KCTD3: variants seen among roughly 807,000 people sequenced by gnomAD.
The protein encoded by KCTD3 is potassium channel tetramerization domain containing 3.
In KCTD3, 41 loss-of-function variants were observed where a neutral mutation model predicts 85.8. That is an observed-to-expected ratio of 0.48 (90% confidence interval 0.37 to 0.62). The LOEUF is 0.62. Among genes scored for constraint, KCTD3 ranks in the 20% least tolerant of loss-of-function variants. The pLI is 0.00. For missense variants in KCTD3, 724 were observed against 989.9 expected (o/e 0.73, Z 3.60); for synonymous variants, 338 against 345.4 (o/e 0.98, Z 0.24).
chr1:215,577,591 C>T, intron 4 of KCTD3, 79 bp from the exon 5 acceptor site: 1 of 863,634 alleles, frequency 1.2e-6, no homozygotes, highest in Non-Finnish European at 2.0e-6. Flanking sequence ...CATGAAGAAC[C>T]TAGAATTTTT....
chr1:215,602,475 C>CAA (rs534044865), intron 12 of KCTD3, among the ~76,000 whole-genome samples: 5 of 129,382 alleles, frequency 3.9e-5, no homozygotes, highest in African/African-American at 5.7e-5. Flanking sequence ...GCTGAAATTT[C>CAA]AAAAAAAAAA....
At chr1:215,572,326 C>G (rs894753669) in intron 1 of KCTD3, among the ~76,000 whole-genome samples, 2 of 152,168 alleles carry the variant, frequency 1.3e-5, no homozygotes, top group Non-Finnish European at 2.9e-5. Context: ...ACAACATCTA[C>G]TTTTTTAATA....
intron 8 of KCTD3, chr1:215,581,064 G>C (rs1018594987): frequency 1.2e-5 from 5 of 403,846 alleles, no homozygotes; most frequent in African/African-American, 1.1e-4. Context: ...CGACCAACAT[G>C]GTGAAACCCC....
rs2102605553 is a variant in KCTD3 at position 215,615,136 on chromosome 1, C to CA, written c.1562+3220dup. Among the ~76,000 whole-genome samples, 3 of 151,988 alleles carry CA rather than the reference C, an allele frequency of 2.0e-5. No homozygotes were observed. In the East Asian group the frequency reaches 5.8e-4, roughly 29 times the overall value. On this transcript the variant is annotated intron_variant, in intron 15 of 17. Coordinates refer to ENST00000259154, the MANE Select transcript of KCTD3 (RefSeq NM_016121.5). ...GATTCCAAAGGAAAAGCTATAGTTACAAAAATAACATGCAGAAATTACTCT... is the reference window on the plus strand; with the variant it reads ...GATTCCAAAGGAAAAGCTATAGTTACAAAAAATAACATGCAGAAATTACTCT...
At chr1:215,568,248 T>A (rs1229134562) in intron 1 of KCTD3, among the ~76,000 whole-genome samples, 1 of 152,298 alleles carries the variant, frequency 6.6e-6, no homozygotes, top group East Asian at 1.9e-4. Context: ...ATTAGGGGAT[T>A]TGTAATTTGA....
At chr1:215,612,962 CACA>C (rs1655285027) in intron 15 of KCTD3, among the ~76,000 whole-genome samples, 1 of 152,018 alleles carries the variant, frequency 6.6e-6, no homozygotes, top group African/African-American at 2.4e-5. Context: ...GGGAACAACA[CACA>C]ACAAGGAGCC....
Position 215,575,979 on chromosome 1 carries a change from G to A in KCTD3, c.257+5G>A, listed in dbSNP as rs1445049119. 2 of 1,395,750 alleles carry A rather than the reference G, an allele frequency of 1.4e-6. No homozygotes were observed. Among genetic ancestry groups the A allele is most frequent in the Admixed American group, 4.1e-5 (2 of 48,360 alleles). The allele number at this position is 1,395,750 out of a possible 1,614,324, so 86.5% of individuals were successfully genotyped here. On this transcript the variant is annotated splice_donor_5th_base_variant and intron_variant, in intron 4 of 17. Coordinates refer to ENST00000259154, the MANE Select transcript of KCTD3 (RefSeq NM_016121.5). ...GACAAAAGAACTAGACTTAAGGTAA[G>A]AAATGCACTCTTTTTAAAGTAAATT... is the stretch of plus-strand genomic sequence containing the variant.
chr1:215,599,618 G>A (rs753245490), intron 10 of KCTD3, among the ~76,000 whole-genome samples: 12 of 152,142 alleles, frequency 7.9e-5, no homozygotes, highest in Non-Finnish European at 1.5e-4. Flanking sequence ...TTGTTAGGAC[G>A]AAGAAGAGGA....
intron 1 of KCTD3, among the ~76,000 whole-genome samples, chr1:215,568,489 C>A (rs1403990997): frequency 3.7e-5 from 1 of 27,072 alleles, no homozygotes; most frequent in African/African-American, 1.1e-4. Flanking sequence ...CCTTCCGCCC[C>A]CCCCCCCCCC....
At chr1:215,604,398 TAA>T in intron 13 of KCTD3, 96 bp downstream of exon 13, 1 of 899,330 alleles carries the variant, frequency 1.1e-6, no homozygotes, top group Non-Finnish European at 1.7e-6. Context: ...AAAAATATAC[TAA>T]AAGAAGTACT....
intron 10 of KCTD3, 106 bp from the exon 11 acceptor site, chr1:215,601,761 A>G: frequency 1.5e-6 from 1 of 653,912 alleles, no homozygotes; most frequent in Non-Finnish European, 2.7e-6. Flanking sequence ...CTAAAATTGG[A>G]TATTGGTTGC....
chr1:215,579,230 A>G (rs1045407437), intron 7 of KCTD3, 93 bp downstream of exon 7: 10 of 1,002,628 alleles, frequency 1.0e-5, no homozygotes, highest in Middle Eastern at 2.1e-4. Flanking sequence ...TTTTTGCCTC[A>G]TCTCCTTTTT....
chr1:215,619,130 T>A, intron 16 of KCTD3, 23 bp from the exon 17 acceptor site: 1 of 1,610,306 alleles, frequency 6.2e-7, no homozygotes, highest in Non-Finnish European at 8.5e-7. Flanking sequence ...TAAGTGATTT[T>A]AATGACTATT....
At chr1:215,571,729 C>G (rs1376647529) in intron 1 of KCTD3, among the ~76,000 whole-genome samples, 1 of 150,956 alleles carries the variant, frequency 6.6e-6, no homozygotes, top group Non-Finnish European at 1.5e-5. Context: ...CTCCTGAGTT[C>G]ACGCCATTGT....
intron 10 of KCTD3, among the ~76,000 whole-genome samples, chr1:215,599,867 G>A (rs1171078475): frequency 2.0e-5 from 3 of 149,892 alleles, no homozygotes. Context: ...CTTGGGAAGC[G>A]CTAGGCTCCT....
At position 215,575,951 on chromosome 1, in the gene KCTD3, T is replaced by A; in HGVS notation, c.234T>A (p.Leu78=). Residue 78 remains leucine, a synonymous_variant, in exon 4 of 18, where the codon CTT becomes CTA. Coordinates refer to ENST00000259154, the MANE Select transcript of KCTD3 (RefSeq NM_016121.5). ...CATTTGCACCCATTTTAAATTTTCT[T>A]CGGACAAAAGAACTAGACTTAAGGT... The part of the protein sequence containing the change: ...PAAFAPILNF[L]RTKELDLRGV... 1.3e-6 allele frequency: 2 copies of A among 1,559,788 alleles called. No individual in the cohort carries two copies. Among genetic ancestry groups the A allele is most frequent in the Non-Finnish European group, 1.7e-6 (2 of 1,145,090 alleles).
At chr1:215,581,788 T>C (rs1256905474) in intron 8 of KCTD3, among the ~76,000 whole-genome samples, 1 of 152,218 alleles carries the variant, frequency 6.6e-6, no homozygotes, top group East Asian at 1.9e-4. Flanking sequence ...TCCTCACATA[T>C]AGTTAAATCA....
rs148032050 is a variant in KCTD3, at chr1:215,590,956, G to A, written c.817+4271G>A. On this transcript the variant is annotated intron_variant, in intron 9 of 17. Coordinates refer to ENST00000259154, the MANE Select transcript of KCTD3 (RefSeq NM_016121.5). ...TCTGGCAGGCAATTAAATTACTAAA[G>A]GATCTTGAACCTGTTAGGCTTGTTT... is the stretch of plus-strand genomic sequence containing the variant. Among the ~76,000 whole-genome samples the A allele has an allele frequency of 4.6e-5, 7 of 152,276 alleles. No homozygotes were observed. In the East Asian group the frequency reaches 1.4e-3, roughly 29 times the overall value.
chr1:215,584,031 TAACCAAGCTGATATGGAGTTGG>T lies in KCTD3; in HGVS notation c.627-2451_627-2430del, dbSNP rs1207744626. On this transcript the variant is annotated intron_variant, in intron 8 of 17. Transcript: ENST00000259154. Reference sequence around the variant, plus strand: ...CTTTTCATGAACTGGGAAATTGTTGTAACCAAGCTGATATGGAGTTGGAACCAAGCTGATGTGCTAGCCAATT... The same window carrying T: ...CTTTTCATGAACTGGGAAATTGTTGTAACCAAGCTGATGTGCTAGCCAATT... Among the ~76,000 whole-genome samples the T allele has an allele frequency of 3.9e-5, 6 of 152,318 alleles. No homozygotes were observed. In the East Asian group the frequency reaches 1.2e-3, roughly 29 times the overall value.
Sources: gnomAD v4.1 joint callset for allele counts (sites outside exome capture counted in the v4.1 genomes callset) on GRCh38, gnomAD v4.1.1 for gene constraint, MANE v1.5 for transcripts, NCBI Gene and HGNC (gene_info 2026-07-23, HGNC 2026-07-21) for gene names.